PCLO: variants seen among roughly 807,000 people sequenced by gnomAD.
PCLO encodes the protein protein piccolo.
PCLO carries 82 observed loss-of-function variants against 427.5 expected under a neutral mutation model. The observed-to-expected ratio is 0.19, with a 90% CI of 0.16 to 0.23. PCLO has a LOEUF of 0.23. Among genes scored for constraint, PCLO ranks in the 10% least tolerant of loss-of-function variants. The probability of loss-of-function intolerance (pLI) is 1.00; values close to 1 mark genes in which losing one functional copy is unlikely to be tolerated. For missense variants in PCLO, 6,239 were observed against 6,115.9 expected (o/e 1.02, Z -0.67); for synonymous variants, 2,357 against 2,155.4 (o/e 1.09, Z -2.59).
At chr7:82,965,577 T>C (rs755902223) in intron 4 of PCLO, among the ~76,000 whole-genome samples, 194 bp downstream of exon 4, 32 of 152,194 alleles carry the variant, frequency 2.1e-4, no homozygotes, top group Non-Finnish European at 3.2e-4. Context: ...TTATGCTTTA[T>C]GTAAACTTCA....
intron 20 of PCLO, 97 bp downstream of exon 20, chr7:82,822,398 G>A: frequency 6.2e-7 from 1 of 1,604,224 alleles, no homozygotes; most frequent in Non-Finnish European, 8.5e-7. Context: ...AGCAGAGGAT[G>A]TTGAAAACTG....
chr7:83,010,081 A>G (rs1788042066), intron 3 of PCLO, among the ~76,000 whole-genome samples: 1 of 151,884 alleles, frequency 6.6e-6, no homozygotes, highest in African/African-American at 2.4e-5. Flanking sequence ...TACCTATCAC[A>G]TAGAATTGTC....
At position 82,954,549 on chromosome 7, in the gene PCLO, T is replaced by C. The variant is rs1401340342; in HGVS notation, c.6404A>G (p.His2135Arg). The C allele has an allele frequency of 6.2e-7, 1 of 1,613,868 alleles. No individual in the cohort carries two copies. Among genetic ancestry groups the C allele is most frequent in the Non-Finnish European group, 8.5e-7 (1 of 1,179,810 alleles). Residue 2135 changes from histidine (H) to arginine (R), a missense_variant, in exon 5 of 25, where the codon CAT becomes CGT. This residue lies in a region of PCLO where 4,677 missense variants were observed against 4,468.4 expected (regional missense o/e 1.05). Transcript: ENST00000333891. Reference sequence around the variant, plus strand: ...ATCCTCAATTTCTTCTGTTGAAAAATGTTGGGTTATTTTAACATCTGGGAT... The same window carrying C: ...ATCCTCAATTTCTTCTGTTGAAAAACGTTGGGTTATTTTAACATCTGGGAT... The part of the protein sequence containing the change: ...LSIPDVKITQ[H>R]FSTEEIEDEY...
chr7:82,843,044 C>A (rs1792406601), intron 13 of PCLO, among the ~76,000 whole-genome samples: 1 of 152,086 alleles, frequency 6.6e-6, no homozygotes, highest in Admixed American at 6.6e-5. Context: ...CCAGCAATCT[C>A]ACTGCTGAGC....
chr7:83,098,855 A>T (rs1790661736), intron 3 of PCLO, among the ~76,000 whole-genome samples: 1 of 152,134 alleles, frequency 6.6e-6, no homozygotes. Flanking sequence ...TGTAGAAAAA[A>T]AGCTATAATG....
At chr7:82,875,362 A>G (rs1793343860) in intron 10 of PCLO, among the ~76,000 whole-genome samples, 1 of 152,122 alleles carries the variant, frequency 6.6e-6, no homozygotes, top group Admixed American at 6.6e-5. Flanking sequence ...AATAGTAATT[A>G]TTCCTAATTC....
At chr7:82,848,304 GTTTTTTTTTTTT>G (rs71522632) in intron 10 of PCLO, among the ~76,000 whole-genome samples, 1 of 83,878 alleles carries the variant, frequency 1.2e-5, no homozygotes, top group Non-Finnish European at 2.2e-5. Context: ...CCATTAGTTA[GTTTTTTTTTTTT>G]TTTTTTTTTT....
intron 10 of PCLO, among the ~76,000 whole-genome samples, chr7:82,851,267 G>GA (rs1259405037): frequency 1.3e-5 from 2 of 151,590 alleles, no homozygotes; most frequent in Non-Finnish European, 2.9e-5. Context: ...TGAGAGCATT[G>GA]AGAGTGCTGT....
chr7:83,117,449 T>G (rs1225118883), intron 3 of PCLO, among the ~76,000 whole-genome samples: 1 of 152,234 alleles, frequency 6.6e-6, no homozygotes, highest in African/African-American at 2.4e-5. Flanking sequence ...CACATCTTGC[T>G]GTTTATGTCA....
intron 6 of PCLO, among the ~76,000 whole-genome samples, chr7:82,922,112 A>G (rs986923162): frequency 1.3e-5 from 2 of 152,016 alleles, no homozygotes; most frequent in African/African-American, 4.8e-5. Context: ...TTGTGGAGTA[A>G]AAGGAATGCT....
At chr7:82,993,221 C>T (rs75414330) in intron 3 of PCLO, among the ~76,000 whole-genome samples, 3,439 of 151,776 alleles carry the variant, frequency 0.023, 76 homozygotes, top group Non-Finnish European at 0.032. Context: ...TTTCATATGT[C>T]TTACTCAAAA....
chr7:82,796,694 T>C (rs1281867603), intron 22 of PCLO, among the ~76,000 whole-genome samples: 1 of 151,044 alleles, frequency 6.6e-6, no homozygotes, highest in Admixed American at 6.6e-5. Context: ...CTTCTCAGGA[T>C]GATTGTTAAA....
intron 10 of PCLO, among the ~76,000 whole-genome samples, chr7:82,848,107 G>T (rs922940428): frequency 2.0e-5 from 3 of 151,632 alleles, no homozygotes; most frequent in African/African-American, 7.3e-5. Flanking sequence ...AGCTCCTTTG[G>T]TCCATTTTAT....
intron 3 of PCLO, among the ~76,000 whole-genome samples, chr7:83,024,246 G>A (rs184487856): frequency 4.3e-3 from 656 of 152,252 alleles, no homozygotes; most frequent in African/African-American, 0.015. Context: ...CAGTGGGTGC[G>A]CGCACCATGC....
chr7:82,916,753 T>C lies in PCLO; in HGVS notation c.11233A>G (p.Thr3745Ala), dbSNP rs1794477380. Residue 3745 changes from threonine to alanine, a missense_variant, in exon 7 of 25, where the codon ACA becomes GCA. Physicochemically the swap from Thr to Ala is moderately conservative, Grantham distance 58. Coordinates refer to ENST00000333891, the MANE Select transcript of PCLO (RefSeq NM_033026.6). Reference protein sequence around the residue: ...GTQSTFSTMGTVSRRRICRTN... With the variant: ...GTQSTFSTMGAVSRRRICRTN... ...CTGCAGATCCTTCTCCTGGAAACTG[T>C]GCCCATTGTGCTGAATGTGGATTGA... is the stretch of plus-strand genomic sequence containing the variant. 1 of 1,613,580 alleles carries C rather than the reference T, an allele frequency of 6.2e-7. No homozygotes were observed. The highest frequency in any genetic ancestry group is 1.3e-5 in the African/African-American group (1 of 74,910).
At chr7:82,999,600 ATAT>A (rs1417808937) in intron 3 of PCLO, among the ~76,000 whole-genome samples, 3 of 48,398 alleles carry the variant, frequency 6.2e-5, no homozygotes, top group Non-Finnish European at 5.9e-5. Flanking sequence ...ATAAAATATA[ATAT>A]TATATATAAA....
At chr7:83,038,911 T>G (rs2116198598) in intron 3 of PCLO, among the ~76,000 whole-genome samples, 1 of 152,184 alleles carries the variant, frequency 6.6e-6, no homozygotes, top group Non-Finnish European at 1.5e-5. Flanking sequence ...TCTGAGTTTT[T>G]TATTCTAGCC....
At chr7:82,808,958 A>C (rs1461522787) in intron 20 of PCLO, among the ~76,000 whole-genome samples, 1 of 151,926 alleles carries the variant, frequency 6.6e-6, no homozygotes, top group South Asian at 2.1e-4. Context: ...AAAACAAAAA[A>C]TGGAGAGGTT....
At chr7:83,043,912 C>CTTTTTTTT (rs869061778) in intron 3 of PCLO, among the ~76,000 whole-genome samples, 12 of 94,904 alleles carry the variant, frequency 1.3e-4, no homozygotes, top group South Asian at 3.8e-4. Context: ...CTATTATTTT[C>CTTTTTTTT]TTTTTTTTTT....
Sources: gnomAD v4.1 joint callset for allele counts (sites outside exome capture counted in the v4.1 genomes callset) on GRCh38, gnomAD v4.1.1 for gene constraint, gnomAD v4.1.1 regional missense constraint, MANE v1.5 for transcripts, NCBI Gene and HGNC (gene_info 2026-07-23, HGNC 2026-07-21) for gene names.